Variants in MET observed in about 807,000 individuals in gnomAD.
The protein encoded by MET is hepatocyte growth factor receptor.
A neutral mutation model predicts 133.1 loss-of-function variants in MET; 48 were observed. The ratio of observed to expected loss-of-function variants is 0.36; its 90% CI spans 0.29 to 0.46. The LOEUF is 0.46. Among genes scored for constraint, MET ranks in the 20% least tolerant of loss-of-function variants. The pLI is 1.00. For synonymous variants in MET, 628 were observed against 616.5 expected (o/e 1.02, Z -0.28); for missense variants, 1,442 against 1,695.9 (o/e 0.85, Z 2.63).
In MET at chr7:116,783,534, T is replaced by G; in HGVS notation, c.3798+65T>G. ...TTCATATCCAACTTTTTTTGAAGTTTTATCACTACTTAATTTTTTAAAAAA... is the reference window on the plus strand; with the variant it reads ...TTCATATCCAACTTTTTTTGAAGTTGTATCACTACTTAATTTTTTAAAAAA... On this transcript the variant is annotated intron_variant, in intron 19 of 20. Coordinates refer to ENST00000397752, the MANE Select transcript of MET (RefSeq NM_000245.4). 1.9e-6 allele frequency: 3 copies of G among 1,554,210 alleles called. No homozygotes were observed. The Admixed American group carries it at 5.2e-5, about 27-fold the overall frequency.
chr7:116,773,252 C>G (rs1172244823), intron 14 of MET, among the ~76,000 whole-genome samples: 1 of 152,094 alleles, frequency 6.6e-6, no homozygotes, highest in African/African-American at 2.4e-5. Flanking sequence ...ACAGCCAAAA[C>G]CTAATGAAGA....
intron 3 of MET, 144 bp downstream of exon 3, chr7:116,732,003 T>C: frequency 2.6e-6 from 2 of 777,652 alleles, no homozygotes; most frequent in Non-Finnish European, 4.4e-6. Flanking sequence ...AGCCAAACAA[T>C]GAAGCCTGGT....
At chr7:116,680,166 C>A (rs1796297453) in intron 1 of MET, among the ~76,000 whole-genome samples, 1 of 152,156 alleles carries the variant, frequency 6.6e-6, no homozygotes, top group Non-Finnish European at 1.5e-5. Context: ...TTACTAAATA[C>A]ATTATCATTA....
chr7:116,719,984 G>C (rs1042328620), intron 2 of MET, among the ~76,000 whole-genome samples: 1 of 149,712 alleles, frequency 6.7e-6, no homozygotes, highest in Non-Finnish European at 1.5e-5. Context: ...CTCTTTTTTG[G>C]TTCCATATGA....
chr7:116,745,984 T>G (rs1793661940), intron 5 of MET, among the ~76,000 whole-genome samples: 1 of 151,956 alleles, frequency 6.6e-6, no homozygotes, highest in Non-Finnish European at 1.5e-5. Context: ...ACCATCAGAG[T>G]GAACAGGCAA....
At chr7:116,744,028 C>G (rs1793562865) in intron 5 of MET, among the ~76,000 whole-genome samples, 1 of 152,116 alleles carries the variant, frequency 6.6e-6, no homozygotes, top group African/African-American at 2.4e-5. Context: ...AAACCCTATT[C>G]AAAGGTCACC....
intron 14 of MET, among the ~76,000 whole-genome samples, chr7:116,772,667 A>G (rs1019956621): frequency 6.6e-6 from 1 of 152,216 alleles, no homozygotes; most frequent in Admixed American, 6.5e-5. Flanking sequence ...ACAGGATGTG[A>G]GTCAAGTACA....
At chr7:116,779,757 T>G (rs775340340) in intron 17 of MET, among the ~76,000 whole-genome samples, 11 of 152,210 alleles carry the variant, frequency 7.2e-5, no homozygotes, top group Admixed American at 4.6e-4. Context: ...TCACTAGTAG[T>G]TGTTTATATT....
chr7:116,783,815 A>G (rs1795224530), intron 19 of MET, among the ~76,000 whole-genome samples: 1 of 152,254 alleles, frequency 6.6e-6, no homozygotes, highest in African/African-American at 2.4e-5. Flanking sequence ...CCTGATTCTC[A>G]TAGCCCCAGG....
rs551657817 is a variant in MET at position 116,746,792 on chromosome 7, A to AG, written c.1701+5773dup. Reference sequence around the variant, plus strand: ...CCGGGGCCTGTTGTGGGGTCGGGGGAGGGGGGAGAGTTAGCATTAGGAGAT... The same window carrying AG: ...CCGGGGCCTGTTGTGGGGTCGGGGGAGGGGGGGAGAGTTAGCATTAGGAGAT... On this transcript the variant is annotated intron_variant, in intron 5 of 20. Coordinates refer to ENST00000397752, the MANE Select transcript of MET (RefSeq NM_000245.4). 9.3e-3 allele frequency among the ~76,000 whole-genome samples: 1,086 copies of AG among 116,764 alleles called. 3 individuals are homozygous for AG. The highest frequency in any genetic ancestry group is 0.014 in the Non-Finnish European group (776 of 55,814). The allele number at this position is 116,764 out of a possible 152,430, so 76.6% of individuals were successfully genotyped here. A position where few individuals can be genotyped will look rare whatever the true frequency, so the allele number is the denominator to read the frequency against.
At chr7:116,675,734 C>T (rs1448760775) in intron 1 of MET, among the ~76,000 whole-genome samples, 2 of 151,716 alleles carry the variant, frequency 1.3e-5, no homozygotes, top group Non-Finnish European at 2.9e-5. Context: ...GTCACCTTCT[C>T]TTTCTCCAGT....
intron 1 of MET, among the ~76,000 whole-genome samples, chr7:116,692,498 A>G (rs1298334169): frequency 6.6e-6 from 1 of 152,180 alleles, no homozygotes; most frequent in Admixed American, 6.5e-5. Context: ...AGTGTTGACA[A>G]TTACTCAATG....
chr7:116,752,591 A>G (rs1360225756), intron 5 of MET, among the ~76,000 whole-genome samples: 2 of 152,242 alleles, frequency 1.3e-5, no homozygotes, highest in Admixed American at 6.5e-5. Flanking sequence ...CCCATAAGCT[A>G]AGGGGAAAAT....
chr7:116,704,130 C>G (rs1791682159), intron 2 of MET, among the ~76,000 whole-genome samples: 1 of 152,098 alleles, frequency 6.6e-6, no homozygotes, highest in African/African-American at 2.4e-5. Context: ...TGCCACATTA[C>G]CTGACTTCTT....
At chr7:116,785,782 G>A (rs961605471) in intron 19 of MET, among the ~76,000 whole-genome samples, 2 of 152,196 alleles carry the variant, frequency 1.3e-5, no homozygotes, top group Non-Finnish European at 2.9e-5. Context: ...AGAATCAGAA[G>A]TATTTACCAA....
intron 8 of MET, 195 bp downstream of exon 8, chr7:116,757,969 T>C: frequency 1.6e-6 from 1 of 641,840 alleles, no homozygotes. Context: ...CTTTCTCTTG[T>C]TTTTTAGCAA....
chr7:116,733,792 C>T (rs1026714165), intron 3 of MET, among the ~76,000 whole-genome samples: 12 of 151,810 alleles, frequency 7.9e-5, no homozygotes, highest in Middle Eastern at 3.4e-3. Flanking sequence ...ACTATACAAA[C>T]GAATGAAGCA....
chr7:116,788,690 A>G (rs1466280159), intron 19 of MET, among the ~76,000 whole-genome samples: 1 of 152,246 alleles, frequency 6.6e-6, no homozygotes, highest in African/African-American at 2.4e-5. Context: ...TACTGATTGC[A>G]TGGATAAATT....
At chr7:116,757,340 A>G in intron 6 of MET, 97 bp from the exon 7 acceptor site, 1 of 947,508 alleles carries the variant, frequency 1.1e-6, no homozygotes, top group South Asian at 1.4e-5. Flanking sequence ...CAAAGCAGTC[A>G]GCTCACCATT....
Sources: gnomAD v4.1 joint callset for allele counts (sites outside exome capture counted in the v4.1 genomes callset) on GRCh38, gnomAD v4.1.1 for gene constraint, MANE v1.5 for transcripts, NCBI Gene and HGNC (gene_info 2026-07-23, HGNC 2026-07-21) for gene names.